EPHA6: variants seen among roughly 807,000 people sequenced by gnomAD.
The protein encoded by EPHA6 is EPH receptor A6, also known as ephrin type-A receptor 6.
Under a neutral mutation model 112.0 loss-of-function variants are expected in EPHA6, and 50 were observed. That is an observed-to-expected ratio of 0.45 (90% CI 0.36 to 0.56). The LOEUF is 0.56. Ranked by LOEUF, EPHA6 falls within the 20% of genes least tolerant of loss-of-function variation. The pLI, the probability that EPHA6 is intolerant of heterozygous loss-of-function variation, is 0.00. For synonymous variants in EPHA6, 529 were observed against 490.7 expected, an observed-to-expected ratio of 1.08 and a Z score of -1.03; for missense variants, 1,280 against 1,417.4, an observed-to-expected ratio of 0.90 and a Z score of 1.56.
intron 1 of EPHA6, among the ~76,000 whole-genome samples, chr3:96,830,199 A>T (rs2033970789): frequency 6.6e-6 from 1 of 152,116 alleles, no homozygotes. Context: ...GTTATTAGGA[A>T]TATCAATTCT....
chr3:96,917,418 C>CAAAAAAAAAAAAAAAAAAAAA (rs5851049), intron 2 of EPHA6, among the ~76,000 whole-genome samples: 1 of 58,084 alleles, frequency 1.7e-5, no homozygotes, highest in African/African-American at 6.1e-5. Context: ...GACTCCATCT[C>CAAAAAAAAAAAAAAAAAAAAA]AAAAAAAAAA....
At position 97,384,523 on chromosome 3, in the gene EPHA6, G is replaced by A. The variant is rs1302925589; in HGVS notation, c.1607-20627G>A. On this transcript the variant is annotated intron_variant, in intron 5 of 17. Coordinates refer to ENST00000389672, the MANE Select transcript of EPHA6 (RefSeq NM_001080448.3). ...GGTTACTAACATATTTCAATGGAGA[G>A]GAAACCTAGTATTATTTCAAAAGTT... Among the ~76,000 whole-genome samples, 4 of 152,254 alleles carry A rather than the reference G, an allele frequency of 2.6e-5. No individual in the cohort carries two copies. In the South Asian group the frequency reaches 8.3e-4, roughly 32 times the overall value.
At chr3:97,677,696 G>A (rs1337259039) in intron 14 of EPHA6, among the ~76,000 whole-genome samples, 3 of 143,588 alleles carry the variant, frequency 2.1e-5, no homozygotes, top group Non-Finnish European at 4.5e-5. Flanking sequence ...ACTCCAGCCT[G>A]GACAACAAGA....
At chr3:97,676,602 T>C (rs552028152) in intron 14 of EPHA6, among the ~76,000 whole-genome samples, 1 of 152,164 alleles carries the variant, frequency 6.6e-6, no homozygotes, top group Non-Finnish European at 1.5e-5. Context: ...TTTAAAGGCT[T>C]GTGTCCAGGG....
At chr3:97,442,469 A>G (rs1214466404) in intron 6 of EPHA6, among the ~76,000 whole-genome samples, 2 of 151,994 alleles carry the variant, frequency 1.3e-5, no homozygotes, top group Non-Finnish European at 2.9e-5. Flanking sequence ...GCCTGTAGTC[A>G]CAGCTACTCG....
At chr3:96,872,249 G>A (rs2036668359) in intron 2 of EPHA6, among the ~76,000 whole-genome samples, 2 of 152,060 alleles carry the variant, frequency 1.3e-5, no homozygotes. Context: ...TGTTTCTTGA[G>A]ACCATTCCTT....
intron 2 of EPHA6, among the ~76,000 whole-genome samples, chr3:96,911,811 A>T (rs1225629327): frequency 3.3e-5 from 5 of 152,188 alleles, no homozygotes; most frequent in Admixed American, 1.3e-4. Flanking sequence ...GTACATTTTT[A>T]AAAAACTTTA....
At chr3:97,219,545 C>T (rs2078131526) in intron 3 of EPHA6, among the ~76,000 whole-genome samples, 1 of 152,112 alleles carries the variant, frequency 6.6e-6, no homozygotes, top group African/African-American at 2.4e-5. Context: ...ACCTTGGCCC[C>T]TTTTAGCCAT....
At chr3:97,584,471 A>G (rs966386754) in intron 11 of EPHA6, among the ~76,000 whole-genome samples, 5 of 152,210 alleles carry the variant, frequency 3.3e-5, no homozygotes, top group Non-Finnish European at 5.9e-5. Flanking sequence ...AGTACAACAG[A>G]ATCGCTTTGT....
rs916604768 is a variant in EPHA6 at position 97,755,293 on chromosome 3, A to G, written c.*6592A>G. 1.3e-5 allele frequency among the ~76,000 whole-genome samples: 2 copies of G among 152,204 alleles called. No individual in the cohort carries two copies. Among genetic ancestry groups the G allele is most frequent in the African/African-American group, 4.8e-5 (2 of 41,468 alleles). The stretch of plus-strand genomic sequence containing the variant: ...AAATAAGGTATAAATTAACAACACA[A>G]TCTTCTCAGGAGTTGTAAACTAGAA... On this transcript the variant is annotated 3_prime_UTR_variant, in exon 18 of 18. Transcript: ENST00000389672.
intron 14 of EPHA6, among the ~76,000 whole-genome samples, chr3:97,662,493 A>G (rs1429907598): frequency 6.6e-6 from 1 of 152,152 alleles, no homozygotes; most frequent in Non-Finnish European, 1.5e-5. Context: ...TGAAGGCGAC[A>G]AAACAAGCCA....
At chr3:96,847,735 G>A (rs1356242105) in intron 1 of EPHA6, among the ~76,000 whole-genome samples, 2 of 151,950 alleles carry the variant, frequency 1.3e-5, no homozygotes, top group African/African-American at 2.4e-5. Context: ...ACTTTGGAAC[G>A]GTACAATTTT....
intron 4 of EPHA6, among the ~76,000 whole-genome samples, chr3:97,226,953 T>C (rs1011829757): frequency 6.6e-6 from 1 of 152,174 alleles, no homozygotes; most frequent in Non-Finnish European, 1.5e-5. Context: ...CTCTCCAATA[T>C]TTTTGGTTAG....
intron 13 of EPHA6, among the ~76,000 whole-genome samples, chr3:97,624,343 T>C (rs1264382472): frequency 2.0e-5 from 3 of 151,698 alleles, no homozygotes; most frequent in Non-Finnish European, 4.4e-5. Context: ...TGTGTTACAT[T>C]GACTGACTTT....
In EPHA6 at chr3:97,755,380, ATTAT is replaced by A. The variant is rs1050308970; in HGVS notation, c.*6682_*6685del. On this transcript the variant is annotated 3_prime_UTR_variant, in exon 18 of 18. Coordinates refer to ENST00000389672, the MANE Select transcript of EPHA6 (RefSeq NM_001080448.3). Reference sequence around the variant, plus strand: ...AACTGTTCTTACTTGTATTTTCTGCATTATTTGTGACCTCTGGCCATTTTTAATT... The same window carrying A: ...AACTGTTCTTACTTGTATTTTCTGCATTGTGACCTCTGGCCATTTTTAATT... Among the ~76,000 whole-genome samples the A allele has an allele frequency of 6.6e-6, 1 of 152,200 alleles. No individual in the cohort carries two copies. Among genetic ancestry groups the A allele is most frequent in the African/African-American group, 2.4e-5 (1 of 41,468 alleles).
At chr3:97,187,603 GAGAAAGAAAGAAAA>G (rs1350351475) in intron 3 of EPHA6, among the ~76,000 whole-genome samples, 1 of 114,744 alleles carries the variant, frequency 8.7e-6, no homozygotes, top group African/African-American at 3.2e-5. Flanking sequence ...AAAAAGAAAA[GAGAAAGAAAGAAAA>G]AGAAAGAAAG....
chr3:97,028,778 CT>C (rs1691427334), intron 3 of EPHA6, among the ~76,000 whole-genome samples: 1 of 151,798 alleles, frequency 6.6e-6, no homozygotes. Context: ...ATTAATACAA[CT>C]TATTAATAAA....
chr3:96,974,264 G>A (rs1308881290), intron 2 of EPHA6, among the ~76,000 whole-genome samples: 1 of 147,754 alleles, frequency 6.8e-6, no homozygotes, highest in African/African-American at 2.5e-5. Flanking sequence ...TTAAAACCTG[G>A]CTTTTTGGCC....
At chr3:97,006,859 T>C (rs2043899683) in intron 3 of EPHA6, among the ~76,000 whole-genome samples, 1 of 152,220 alleles carries the variant, frequency 6.6e-6, no homozygotes, top group Admixed American at 6.5e-5. Context: ...TTTCATCATT[T>C]ACCCAGGAGT....
Sources: gnomAD v4.1 joint callset for allele counts (sites outside exome capture counted in the v4.1 genomes callset) on GRCh38, gnomAD v4.1.1 for gene constraint, MANE v1.5 for transcripts, NCBI Gene and HGNC (gene_info 2026-07-23, HGNC 2026-07-21) for gene names.